Variants in PPP4R4 observed in about 807,000 individuals in gnomAD.
PPP4R4 encodes protein phosphatase 4 regulatory subunit 4.
A neutral mutation model predicts 121.8 loss-of-function variants in PPP4R4; 70 were observed. The ratio of observed to expected loss-of-function variants is 0.57; its 90% CI spans 0.47 to 0.70. The LOEUF (loss-of-function observed/expected upper bound fraction) is 0.70. Ranked by LOEUF, PPP4R4 falls within the 30% of genes least tolerant of loss-of-function variation. The pLI, the probability that PPP4R4 is intolerant of heterozygous loss-of-function variation, is 0.00. For missense variants in PPP4R4, 875 were observed against 1,033.6 expected, an observed-to-expected ratio of 0.85 and a Z score of 2.10; for synonymous variants, 348 against 355.7, an observed-to-expected ratio of 0.98 and a Z score of 0.24.
At chr14:94,187,325 T>G (rs184912853) in intron 2 of PPP4R4, among the ~76,000 whole-genome samples, 1 of 152,028 alleles carries the variant, frequency 6.6e-6, no homozygotes, top group Non-Finnish European at 1.5e-5. Context: ...AGAAAAAAAA[T>G]ATGTTGTTCT....
intron 3 of PPP4R4, among the ~76,000 whole-genome samples, chr14:94,216,834 C>A (rs1017141001): frequency 6.6e-6 from 1 of 152,058 alleles, no homozygotes; most frequent in African/African-American, 2.4e-5. Context: ...CAGGACCATG[C>A]AAAGATCACT....
At chr14:94,261,338 G>A (rs1378479456) in intron 19 of PPP4R4, among the ~76,000 whole-genome samples, 1 of 152,028 alleles carries the variant, frequency 6.6e-6, no homozygotes, top group African/African-American at 2.4e-5. Flanking sequence ...ATTATAAATG[G>A]AAGTATACAT....
chr14:94,257,700 CCTTA>C (rs770138559), intron 17 of PPP4R4, among the ~76,000 whole-genome samples: 13 of 150,428 alleles, frequency 8.6e-5, no homozygotes, highest in Non-Finnish European at 1.5e-4. Flanking sequence ...ACAGTTCCTT[CCTTA>C]CTATTTAATA....
chr14:94,252,621 A>G (rs115952703), intron 16 of PPP4R4, among the ~76,000 whole-genome samples: 3 of 152,204 alleles, frequency 2.0e-5, no homozygotes, highest in Non-Finnish European at 4.4e-5. Context: ...TACATTTGAT[A>G]ATAGAATGAA....
rs180766497 is a variant in PPP4R4, at chr14:94,266,493, A to G, written c.2379-466A>G. ...TAATTTTAAGAAAACAAATATCTTT[A>G]AAACTATTCCTTTGTCTATCAAGAT... On this transcript the variant is annotated intron_variant, in intron 22 of 24. Coordinates refer to ENST00000304338, the MANE Select transcript of PPP4R4 (RefSeq NM_058237.2). 7.2e-5 allele frequency among the ~76,000 whole-genome samples: 11 copies of G among 152,270 alleles called. No homozygotes were observed. In the East Asian group the frequency reaches 2.1e-3, roughly 29 times the overall value.
At position 94,278,910 on chromosome 14, in the gene PPP4R4, C is replaced by T. The variant is rs1489597181; in HGVS notation, c.*267C>T. 1.6e-5 allele frequency: 4 copies of T among 244,346 alleles called. No homozygotes were observed. Among genetic ancestry groups the T allele is most frequent in the Non-Finnish European group, 3.1e-5 (4 of 128,382 alleles). The allele number at this position is 244,346 out of a possible 1,614,324, so 15.1% of individuals were successfully genotyped here. On this transcript the variant is annotated 3_prime_UTR_variant, in exon 25 of 25. Transcript: ENST00000304338. ...TGTTATAGTGAAGTGTAATGAAAAA[C>T]ATCTCTAGGAATGTGCTTTAACCAC...
intron 2 of PPP4R4, among the ~76,000 whole-genome samples, chr14:94,205,067 A>G (rs1890389529): frequency 1.3e-5 from 2 of 152,258 alleles, no homozygotes; most frequent in East Asian, 1.9e-4. Flanking sequence ...GTTTTTCTTC[A>G]TGAAGTGATT....
At chr14:94,239,828 A>G (rs1892533518) in intron 8 of PPP4R4, among the ~76,000 whole-genome samples, 1 of 152,134 alleles carries the variant, frequency 6.6e-6, no homozygotes, top group Non-Finnish European at 1.5e-5. Context: ...GCTGGTTTAC[A>G]TTTCTCAAAA....
chr14:94,256,533 C>A lies in PPP4R4; in HGVS notation c.1939C>A (p.Gln647Lys). ...TCCTGCTGATAAGCATCTACTTCAG[C>A]AGTTAGAAATGTGTGTGAGGAAACT... ...KIPADKHLLQ[Q>K]LEMCVRKLLC... Residue 647 changes from glutamine to lysine, a missense_variant, in exon 17 of 25, where the codon CAG (glutamine) becomes AAG (lysine). Gln to Lys is a moderately conservative substitution (Grantham distance 53). Transcript: ENST00000304338. The A allele has an allele frequency of 6.2e-7, 1 of 1,601,746 alleles. No individual in the cohort carries two copies. The highest frequency in any genetic ancestry group is 8.5e-7 in the Non-Finnish European group (1 of 1,169,638).
Position 94,278,647 on chromosome 14 carries a change from A to C in PPP4R4, c.*4A>C. On this transcript the variant is annotated 3_prime_UTR_variant, in exon 25 of 25. Coordinates refer to ENST00000304338, the MANE Select transcript of PPP4R4 (RefSeq NM_058237.2). The stretch of plus-strand genomic sequence containing the variant: ...ATCCAGAAAATCCAATCCTTAAATC[A>C]ACTGCTTGATGAAGGAGGCAAAACA... The C allele has an allele frequency of 1.0e-5, 16 of 1,584,276 alleles. No homozygotes were observed. Among genetic ancestry groups the C allele is most frequent in the Non-Finnish European group, 1.4e-5 (16 of 1,162,728 alleles).
At chr14:94,244,947 G>A (rs929124478) in intron 12 of PPP4R4, among the ~76,000 whole-genome samples, 2 of 151,956 alleles carry the variant, frequency 1.3e-5, no homozygotes, top group African/African-American at 4.8e-5. Flanking sequence ...TGTTTATTAA[G>A]AAAAATTTAG....
intron 7 of PPP4R4, 68 bp downstream of exon 7, chr14:94,234,737 T>A: frequency 8.9e-7 from 1 of 1,128,328 alleles, no homozygotes; most frequent in South Asian, 1.3e-5. Context: ...GTATTTGATC[T>A]TTAAAAATGA....
chr14:94,256,573 A>C lies in PPP4R4; in HGVS notation c.1979A>C (p.Lys660Thr). 6.2e-7 allele frequency: 1 copy of C among 1,607,576 alleles called. No homozygotes were observed. The highest frequency in any genetic ancestry group is 8.5e-7 in the Non-Finnish European group (1 of 1,175,024). Residue 660 changes from lysine (K) to threonine (T), a missense_variant, in exon 17 of 25, where the codon AAA becomes ACA. Coordinates refer to ENST00000304338, the MANE Select transcript of PPP4R4 (RefSeq NM_058237.2). ...GTGAGGAAACTCCTGTGTCAAGAAA[A>C]AGATAAAGATGTTCTGGCTATTGTA... ...MCVRKLLCQE[K>T]DKDVLAIVKR...
intron 2 of PPP4R4, 130 bp from the exon 3 acceptor site, chr14:94,208,334 C>T: frequency 1.8e-6 from 1 of 544,594 alleles, no homozygotes; most frequent in Non-Finnish European, 3.0e-6. Context: ...GTATTTCTGG[C>T]TTAAAACTTA....
chr14:94,185,388 T>C lies in PPP4R4; in HGVS notation c.191+9261T>C, dbSNP rs116215895. Among the ~76,000 whole-genome samples, 747 of 152,228 alleles carry C rather than the reference T, an allele frequency of 4.9e-3. 7 individuals carry two copies. Among genetic ancestry groups the C allele is most frequent in the African/African-American group, 0.017 (723 of 41,542 alleles). On this transcript the variant is annotated intron_variant, in intron 2 of 24. Coordinates refer to ENST00000304338, the MANE Select transcript of PPP4R4 (RefSeq NM_058237.2). ...CCAGGAATGGTGGCTTGTGCCTGTT[T>C]TTTGGCTACCTGGGAGGCTGAGGTG...
chr14:94,273,550 A>T (rs986098601), intron 23 of PPP4R4, among the ~76,000 whole-genome samples: 1 of 152,144 alleles, frequency 6.6e-6, no homozygotes, highest in Non-Finnish European at 1.5e-5. Context: ...TGTCAATTAT[A>T]TATTGTCCAA....
intron 23 of PPP4R4, among the ~76,000 whole-genome samples, chr14:94,269,527 A>AG (rs1894212589): frequency 2.0e-5 from 3 of 152,070 alleles, no homozygotes; most frequent in South Asian, 2.1e-4. Flanking sequence ...TAAAAAAAAA[A>AG]AAATTTAGTC....
At chr14:94,236,044 ATGG>A (rs1181120694) in intron 7 of PPP4R4, among the ~76,000 whole-genome samples, 4 of 152,130 alleles carry the variant, frequency 2.6e-5, no homozygotes, top group Admixed American at 6.5e-5. Context: ...CACACAGGGT[ATGG>A]TAGAGTGTCA....
intron 2 of PPP4R4, among the ~76,000 whole-genome samples, chr14:94,192,869 A>G (rs962337928): frequency 3.9e-5 from 6 of 152,182 alleles, no homozygotes; most frequent in African/African-American, 1.4e-4. Context: ...GTGTGAATCT[A>G]TCTTCCTTAT....
Sources: gnomAD v4.1 joint callset for allele counts (sites outside exome capture counted in the v4.1 genomes callset) on GRCh38, gnomAD v4.1.1 for gene constraint, MANE v1.5 for transcripts, NCBI Gene and HGNC (gene_info 2026-07-23, HGNC 2026-07-21) for gene names.